The following BRD10 variants were observed in gnomAD, a reference collection of about 807,000 sequenced individuals.
BRD10 encodes bromodomain containing 10.
the BRD10 span, among the ~76,000 whole-genome samples, chr9:5,995,671 C>G: frequency 1.3e-5 from 2 of 152,008 alleles, no homozygotes; most frequent in African/African-American, 2.4e-5. Context: ...TTTTAGTCAA[C>G]CTTTCTATAC....
At chr9:5,997,269 T>C in the BRD10 span, among the ~76,000 whole-genome samples, 1 of 152,210 alleles carries the variant, frequency 6.6e-6, no homozygotes, top group African/African-American at 2.4e-5. Flanking sequence ...CATCTTTCAC[T>C]TCATGAATGA....
chr9:5,993,308 C>A, the BRD10 span, among the ~76,000 whole-genome samples: 3 of 75,756 alleles, frequency 4.0e-5, no homozygotes, highest in African/African-American at 1.5e-4. Context: ...GAGTGAGACT[C>A]CATTAAAAAA....
the BRD10 span, among the ~76,000 whole-genome samples, chr9:5,952,962 T>C: frequency 6.6e-6 from 1 of 152,178 alleles, no homozygotes; most frequent in African/African-American, 2.4e-5. Context: ...ATCCTAAGAA[T>C]ATCATTAAAA....
the BRD10 span, among the ~76,000 whole-genome samples, chr9:5,982,055 G>A: frequency 1.3e-5 from 2 of 150,988 alleles, no homozygotes; most frequent in African/African-American, 4.9e-5. Context: ...GTATGTGTGT[G>A]TATATATATA....
the BRD10 span, chr9:5,922,219 A>C: frequency 3.1e-6 from 5 of 1,614,012 alleles, no homozygotes; most frequent in South Asian, 3.3e-5. Flanking sequence ...AAGAATCAGC[A>C]GTCTGTTGTG....
the BRD10 span, among the ~76,000 whole-genome samples, chr9:5,987,216 A>G: frequency 1.3e-5 from 2 of 152,062 alleles, no homozygotes; most frequent in African/African-American, 4.8e-5. Flanking sequence ...TATTACAACT[A>G]CTTTTTGACT....
At chr9:5,983,594 TA>T in the BRD10 span, among the ~76,000 whole-genome samples, 2 of 152,044 alleles carry the variant, frequency 1.3e-5, no homozygotes, top group African/African-American at 2.4e-5. Flanking sequence ...CTTTTAGAGA[TA>T]AAAAATTATA....
chr9:5,983,962 T>TTTAC, the BRD10 span, among the ~76,000 whole-genome samples: 1 of 129,638 alleles, frequency 7.7e-6, no homozygotes, highest in East Asian at 2.3e-4. Context: ...GTATATGCAT[T>TTTAC]ACACACACAC....
the BRD10 span, among the ~76,000 whole-genome samples, chr9:5,879,358 A>C: frequency 6.6e-6 from 1 of 151,994 alleles, no homozygotes; most frequent in African/African-American, 2.4e-5. Flanking sequence ...AGGGCAACAG[A>C]GCAAGACTCT....
chr9:5,968,774 T>C, the BRD10 span: 1 of 1,613,852 alleles, frequency 6.2e-7, no homozygotes, highest in Non-Finnish European at 8.5e-7. Context: ...AAAGGGTCTC[T>C]GTTTATAAAT....
At chr9:5,908,724 C>G in the BRD10 span, 2 of 1,601,904 alleles carry the variant, frequency 1.2e-6, no homozygotes, top group Non-Finnish European at 1.7e-6. Context: ...AGCGAGACAC[C>G]TGAGACATGC....
chr9:5,905,003 G>C, the BRD10 span, among the ~76,000 whole-genome samples: 1 of 150,820 alleles, frequency 6.6e-6, no homozygotes, highest in Admixed American at 6.6e-5. Flanking sequence ...TCAATCTCCT[G>C]ACCTCGTGAT....
chr9:5,966,439 T>C, the BRD10 span, among the ~76,000 whole-genome samples: 1 of 147,754 alleles, frequency 6.8e-6, no homozygotes, highest in East Asian at 2.0e-4. Flanking sequence ...TTTAATATTT[T>C]AGAGACTAAC....
At chr9:5,967,146 C>G in the BRD10 span, among the ~76,000 whole-genome samples, 3 of 152,158 alleles carry the variant, frequency 2.0e-5, no homozygotes, top group South Asian at 6.2e-4. Flanking sequence ...CTGAAATCCA[C>G]AAACAATGAT....
chr9:5,948,485 G>A, the BRD10 span, among the ~76,000 whole-genome samples: 1 of 151,794 alleles, frequency 6.6e-6, no homozygotes, highest in African/African-American at 2.4e-5. Flanking sequence ...GTGGGAGTGG[G>A]GAGGCCCTGT....
the BRD10 span, among the ~76,000 whole-genome samples, chr9:6,003,249 TGAC>T: frequency 6.6e-6 from 1 of 152,224 alleles, no homozygotes; most frequent in Non-Finnish European, 1.5e-5. Flanking sequence ...TCTTTTCTAA[TGAC>T]AGCCTTTCAA....
At chr9:5,890,239 C>A in the BRD10 span, among the ~76,000 whole-genome samples, 4 of 152,148 alleles carry the variant, frequency 2.6e-5, no homozygotes, top group Non-Finnish European at 4.4e-5. Flanking sequence ...ATGACATGGG[C>A]ACCTTACCTA....
the BRD10 span, chr9:5,920,168 A>G: frequency 1.2e-6 from 2 of 1,613,984 alleles, no homozygotes; most frequent in Non-Finnish European, 8.5e-7. Flanking sequence ...TGCTAGTGTG[A>G]TCTTCTGGGC....
At chr9:5,988,083 T>A in the BRD10 span, among the ~76,000 whole-genome samples, 1 of 152,244 alleles carries the variant, frequency 6.6e-6, no homozygotes, top group African/African-American at 2.4e-5. Context: ...TTAAAACTTA[T>A]AATTCACTTG....
Sources: gnomAD v4.1 joint callset for allele counts (sites outside exome capture counted in the v4.1 genomes callset) on GRCh38, gnomAD v4.1.1 for gene constraint, MANE v1.5 for transcripts, NCBI Gene and HGNC (gene_info 2026-07-23, HGNC 2026-07-21) for gene names.